The following TLR6 variants were observed in gnomAD, a reference collection of about 807,000 sequenced individuals.
The protein encoded by TLR6 is toll-like receptor 6.
Under a neutral mutation model 16.1 loss-of-function variants are expected in TLR6, and 9 were observed. The observed-to-expected ratio is 0.56, with a 90% CI of 0.34 to 0.98. The LOEUF (loss-of-function observed/expected upper bound fraction) is 0.98. Ranked by LOEUF, TLR6 falls within the 50% of genes least tolerant of loss-of-function variation. TLR6 has a pLI of 0.02. For synonymous variants in TLR6, 340 were observed against 338.6 expected (o/e 1.00, Z -0.04); for missense variants, 786 against 921.0 (o/e 0.85, Z 1.90).
downstream of TLR6, among the ~76,000 whole-genome samples, chr4:38,823,429 CTTAG>C (rs935828988): frequency 9.9e-5 from 15 of 152,206 alleles, no homozygotes; most frequent in African/African-American, 2.9e-4. Context: ...CATCTCAGAA[CTTAG>C]TTAGAGCAGC....
chr4:38,835,623 T>A (rs985554169), intron 1 of TLR6, among the ~76,000 whole-genome samples: 25 of 152,334 alleles, frequency 1.6e-4, no homozygotes, highest in African/African-American at 6.0e-4. Flanking sequence ...AAAATGGACC[T>A]AACAGATATT....
Position 38,829,557 on chromosome 4 carries a change from T to G in TLR6, c.-64-20A>C. Reference sequence around the variant, plus strand: ...CAAATTCTAGAAATATAATATACACTAAGATTAATAAAGATCGGATGGTTA... The same window carrying G: ...CAAATTCTAGAAATATAATATACACGAAGATTAATAAAGATCGGATGGTTA... On this transcript the variant is annotated intron_variant, in intron 1 of 1. Transcript: ENST00000436693. 1.3e-6 allele frequency: 1 copy of G among 771,970 alleles called. No homozygotes were observed. Among genetic ancestry groups the G allele is most frequent in the East Asian group, 2.5e-5 (1 of 40,118 alleles). 47.8% of individuals were successfully genotyped at this position (771,970 alleles called of 1,614,324 possible).
chr4:38,823,761 G>C (rs1727411864), exon 2 of TLR6: 2 of 152,226 alleles, frequency 1.3e-5, no homozygotes, highest in African/African-American at 4.8e-5. Flanking sequence ...CGACGGCAGG[G>C]AAGATGCCTG....
Position 38,836,436 on chromosome 4 carries a change from T to C in TLR6, c.-64-6899A>G, listed in dbSNP as rs972799005. ...CTACCAAATTTGAGCCTGGAAGAAA[T>C]AGAAAAATCTGAACAGACCAATAAC... On this transcript the variant is annotated intron_variant, in intron 1 of 1. Transcript: ENST00000436693. Among the ~76,000 whole-genome samples, 5 of 152,090 alleles carry C rather than the reference T, an allele frequency of 3.3e-5. No individual in the cohort carries two copies. The East Asian group carries it at 5.8e-4, about 18-fold the overall frequency.
chr4:38,834,875 C>A (rs945360394), intron 1 of TLR6, among the ~76,000 whole-genome samples: 2 of 152,184 alleles, frequency 1.3e-5, no homozygotes, highest in Non-Finnish European at 2.9e-5. Context: ...ACGAGCCCTA[C>A]AAGAAATGCT....
chr4:38,849,767 G>A (rs1446851528), intron 1 of TLR6, among the ~76,000 whole-genome samples: 1 of 152,096 alleles, frequency 6.6e-6, no homozygotes, highest in Non-Finnish European at 1.5e-5. Flanking sequence ...AAGAGACTTA[G>A]ACTCCCACAC....
chr4:38,841,256 A>G (rs1416228051), intron 1 of TLR6, among the ~76,000 whole-genome samples: 1 of 152,214 alleles, frequency 6.6e-6, no homozygotes, highest in African/African-American at 2.4e-5. Context: ...CATTATCACA[A>G]CATTGACTTT....
chr4:38,857,361 T>C (rs73811231), upstream of TLR6, among the ~76,000 whole-genome samples: 1,754 of 152,324 alleles, frequency 0.012, 40 homozygotes, highest in African/African-American at 0.037. Flanking sequence ...CACATTCTGA[T>C]CAACATTTGG....
At chr4:38,847,143 A>T (rs1257262544) in intron 1 of TLR6, among the ~76,000 whole-genome samples, 1 of 152,254 alleles carries the variant, frequency 6.6e-6, no homozygotes, top group African/African-American at 2.4e-5. Context: ...AATTCACTTG[A>T]TAAAATTCAG....
In TLR6 at chr4:38,856,158, C is replaced by G. The variant is rs57585651; in HGVS notation, c.-65+603G>C. ...TGCCAGATTCAAGCTTGTGAAGGGG[C>G]TTGGTCCCGGCCACTTCCTCCATTT... On this transcript the variant is annotated intron_variant, in intron 1 of 1. Transcript: ENST00000436693. Among the ~76,000 whole-genome samples, 127 of 151,982 alleles carry G rather than the reference C, an allele frequency of 8.4e-4. 1 individual carries two copies. The East Asian group carries it at 0.023, about 28-fold the overall frequency.
intron 1 of TLR6, among the ~76,000 whole-genome samples, chr4:38,834,249 T>A (rs1711782874): frequency 8.3e-6 from 1 of 120,500 alleles, no homozygotes; most frequent in South Asian, 2.8e-4. Flanking sequence ...AAAAAAAAAA[T>A]ATATATATAA....
chr4:38,829,588 A>C, intron 1 of TLR6, 51 bp from the exon 2 acceptor site: 1 of 649,010 alleles, frequency 1.5e-6, no homozygotes, highest in Non-Finnish European at 2.6e-6. Flanking sequence ...GGTTACTCTC[A>C]AACCTCCACT....
At chr4:38,828,252 G>A (rs1366854483) in exon 2 of TLR6, 1 of 1,613,486 alleles carries the variant, frequency 6.2e-7, no homozygotes, top group African/African-American at 1.3e-5. Context: ...CTAACATCCA[G>A]TATTTCCAAA....
intron 1 of TLR6, among the ~76,000 whole-genome samples, chr4:38,839,517 A>C (rs2109441951): frequency 6.6e-6 from 1 of 152,354 alleles, no homozygotes; most frequent in Non-Finnish European, 1.5e-5. Flanking sequence ...AGCCAGTCCC[A>C]AAAACTCCAA....
At chr4:38,838,390 T>A (rs1352606206) in intron 1 of TLR6, among the ~76,000 whole-genome samples, 1 of 152,214 alleles carries the variant, frequency 6.6e-6, no homozygotes, top group Non-Finnish European at 1.5e-5. Context: ...GTGATATATA[T>A]ACCCGATGGA....
chr4:38,860,464 T>C (rs906019558), upstream of TLR6, among the ~76,000 whole-genome samples: 5 of 148,600 alleles, frequency 3.4e-5, no homozygotes, highest in African/African-American at 1.3e-4. Context: ...AGAGCGAGAC[T>C]CTGTCTCAAA....
At chr4:38,860,758 AG>A (rs2109484228), upstream of TLR6, among the ~76,000 whole-genome samples, 1 of 152,314 alleles carries the variant, frequency 6.6e-6, no homozygotes, top group East Asian at 1.9e-4. Flanking sequence ...CATCCTCATT[AG>A]AACATGGGAA....
At chr4:38,827,490 G>C (rs200330648) in exon 2 of TLR6, 183 of 1,614,124 alleles carry the variant, frequency 1.1e-4, no homozygotes, top group African/African-American at 1.3e-5. Context: ...TCTAGGTAAG[G>C]TACCAATTCA....
chr4:38,833,257 TC>T (rs965935432), intron 1 of TLR6, among the ~76,000 whole-genome samples: 1 of 152,136 alleles, frequency 6.6e-6, no homozygotes, highest in Non-Finnish European at 1.5e-5. Flanking sequence ...CAAGGACCCA[TC>T]ACCACGAGTG....
Sources: gnomAD v4.1 joint callset for allele counts (sites outside exome capture counted in the v4.1 genomes callset) on GRCh38, gnomAD v4.1.1 for gene constraint, MANE v1.5 for transcripts, NCBI Gene and HGNC (gene_info 2026-07-23, HGNC 2026-07-21) for gene names.